Variants in PCDH15 observed in about 807,000 individuals in gnomAD.
The protein encoded by PCDH15 is protocadherin-15.
PCDH15 carries 129 observed loss-of-function variants against 178.5 expected under a neutral mutation model. That is an observed-to-expected ratio of 0.72 (90% CI 0.63 to 0.84). The LOEUF (loss-of-function observed/expected upper bound fraction) is 0.84. PCDH15 is among the 40% of genes least tolerant of loss of function. The pLI, the probability that PCDH15 is intolerant of heterozygous loss-of-function variation, is 0.00. For missense variants in PCDH15, 2,230 were observed against 2,099.9 expected, an observed-to-expected ratio of 1.06 and a Z score of -1.21; for synonymous variants, 800 against 732.0, an observed-to-expected ratio of 1.09 and a Z score of -1.50.
At chr10:54,726,082 C>T (rs1317085336) in intron 1 of PCDH15, among the ~76,000 whole-genome samples, 1 of 151,452 alleles carries the variant, frequency 6.6e-6, no homozygotes, top group African/African-American at 2.4e-5. Context: ...AAGAGCTTTA[C>T]ATTTTATCTT....
chr10:54,671,408 AAG>A lies in PCDH15; in HGVS notation c.-28-7120_-28-7119del, dbSNP rs555444721. On this transcript the variant is annotated intron_variant, in intron 1 of 37. Transcript: ENST00000644397. Reference sequence around the variant, plus strand: ...GTCAGTCAACAGAGACTAAACGTAAAAGTATGAAAATGTCAGTGACTTGTATA... The same window carrying A: ...GTCAGTCAACAGAGACTAAACGTAAATATGAAAATGTCAGTGACTTGTATA... Among the ~76,000 whole-genome samples the A allele has an allele frequency of 2.7e-4, 41 of 152,288 alleles. No homozygotes were observed. In the East Asian group the frequency reaches 7.7e-3, roughly 29 times the overall value.
At chr10:54,385,086 TCATAATCCTCCTC>T (rs1169202777) in intron 3 of PCDH15, among the ~76,000 whole-genome samples, 1 of 152,142 alleles carries the variant, frequency 6.6e-6, no homozygotes, top group Non-Finnish European at 1.5e-5. Flanking sequence ...AAAGGTCACA[TCATAATCCTCCTC>T]CATTTCTCCT....
chr10:54,000,299 A>T (rs1463082279), intron 20 of PCDH15, among the ~76,000 whole-genome samples: 1 of 152,128 alleles, frequency 6.6e-6, no homozygotes, highest in East Asian at 1.9e-4. Context: ...AAGCATCAAT[A>T]TCATCCAGGA....
At chr10:54,106,726 T>C (rs1338981818) in intron 15 of PCDH15, among the ~76,000 whole-genome samples, 1 of 152,196 alleles carries the variant, frequency 6.6e-6, no homozygotes, top group Non-Finnish European at 1.5e-5. Context: ...AAAAGAGAGT[T>C]GACAGTACAA....
intron 3 of PCDH15, among the ~76,000 whole-genome samples, chr10:54,524,883 G>T (rs2083228784): frequency 6.6e-6 from 1 of 152,286 alleles, no homozygotes; most frequent in South Asian, 2.1e-4. Context: ...ATGATGTAAT[G>T]AATCTGTCAT....
At chr10:54,696,172 T>C (rs996047217) in intron 1 of PCDH15, among the ~76,000 whole-genome samples, 1 of 151,916 alleles carries the variant, frequency 6.6e-6, no homozygotes, top group Non-Finnish European at 1.5e-5. Flanking sequence ...TAGGAGGAGA[T>C]CAAATAACAA....
chr10:55,296,080 C>A (rs1046236853), intron 1 of PCDH15, among the ~76,000 whole-genome samples: 1 of 152,062 alleles, frequency 6.6e-6, no homozygotes, highest in Non-Finnish European at 1.5e-5. Context: ...ATAGAGGATA[C>A]AACTCAGAAA....
intron 2 of PCDH15, among the ~76,000 whole-genome samples, chr10:54,612,856 G>A (rs1685201890): frequency 1.3e-5 from 2 of 151,600 alleles, no homozygotes; most frequent in African/African-American, 2.4e-5. Context: ...GATTTACTTT[G>A]CAATGTCCAT....
intron 3 of PCDH15, among the ~76,000 whole-genome samples, chr10:54,396,800 A>C (rs185953874): frequency 4.3e-4 from 62 of 144,554 alleles, no homozygotes; most frequent in African/African-American, 1.2e-3. Context: ...GCATAATAAC[A>C]AAAGTTCAAA....
At chr10:55,075,925 T>C (rs541715227) in intron 2 of PCDH15, among the ~76,000 whole-genome samples, 1 of 152,280 alleles carries the variant, frequency 6.6e-6, no homozygotes, top group African/African-American at 2.4e-5. Flanking sequence ...CAGGTTTTGG[T>C]AGGTGGCATT....
At chr10:54,911,562 C>T (rs1954820092) in intron 2 of PCDH15, among the ~76,000 whole-genome samples, 1 of 152,076 alleles carries the variant, frequency 6.6e-6, no homozygotes, top group Non-Finnish European at 1.5e-5. Flanking sequence ...AACTTTTTGC[C>T]AAATGTTTTC....
rs142871825 is a variant in PCDH15, at chr10:53,931,781, A to G, written c.3373+7034T>C. 7.2e-5 allele frequency among the ~76,000 whole-genome samples: 11 copies of G among 152,326 alleles called. No homozygotes were observed. The East Asian group carries it at 2.1e-3, about 29-fold the overall frequency. On this transcript the variant is annotated intron_variant, in intron 25 of 37. Coordinates refer to ENST00000644397, the MANE Select transcript of PCDH15 (RefSeq NM_001384140.1). ...AATTTAAAAATGATTCTCTAGTTCA[A>G]TATATGAATCTAATACTCCAAATTT...
intron 37 of PCDH15, among the ~76,000 whole-genome samples, chr10:53,809,734 T>G (rs1455652632): frequency 6.6e-6 from 1 of 152,172 alleles, no homozygotes; most frequent in African/African-American, 2.4e-5. Flanking sequence ...AGAAAGTAAA[T>G]TATTTTATTT....
intron 3 of PCDH15, among the ~76,000 whole-genome samples, chr10:54,432,035 A>G (rs1957027545): frequency 6.6e-6 from 1 of 152,104 alleles, no homozygotes; most frequent in Admixed American, 6.6e-5. Flanking sequence ...CTCTAGAATG[A>G]AAACTACAAA....
At chr10:53,817,934 C>A (rs1029008921) in intron 34 of PCDH15, 61 bp downstream of exon 34, 59 of 398,318 alleles carry the variant, frequency 1.5e-4, no homozygotes, top group Non-Finnish European at 2.4e-4. Context: ...ATTAGTCTTG[C>A]CTATTACACA....
chr10:53,896,136 A>G (rs564231613), intron 26 of PCDH15, among the ~76,000 whole-genome samples: 7 of 152,178 alleles, frequency 4.6e-5, no homozygotes, highest in African/African-American at 1.4e-4. Flanking sequence ...ATTTATTTAA[A>G]GAGTGTAGGC....
At chr10:54,830,985 C>T (rs1196407686) in intron 3 of PCDH15, among the ~76,000 whole-genome samples, 3 of 151,896 alleles carry the variant, frequency 2.0e-5, no homozygotes, top group Non-Finnish European at 4.4e-5. Context: ...CAATAAGAAA[C>T]CTTTTCACAA....
At chr10:53,815,253 C>T (rs1363420537) in intron 35 of PCDH15, among the ~76,000 whole-genome samples, 1 of 152,120 alleles carries the variant, frequency 6.6e-6, no homozygotes, top group Non-Finnish European at 1.5e-5. Context: ...AACATTTATA[C>T]TGATGCAAAA....
chr10:53,933,936 A>AT (rs1279035951), intron 25 of PCDH15, among the ~76,000 whole-genome samples: 5 of 150,900 alleles, frequency 3.3e-5, no homozygotes, highest in East Asian at 1.9e-4. Flanking sequence ...GATGATGAGC[A>AT]TTTTTTCATG....
Sources: gnomAD v4.1 joint callset for allele counts (sites outside exome capture counted in the v4.1 genomes callset) on GRCh38, gnomAD v4.1.1 for gene constraint, MANE v1.5 for transcripts, NCBI Gene and HGNC (gene_info 2026-07-23, HGNC 2026-07-21) for gene names.